KIF26B: variants seen among roughly 807,000 people sequenced by gnomAD.
KIF26B encodes kinesin-like protein KIF26B.
Under a neutral mutation model 151.2 loss-of-function variants are expected in KIF26B, and 63 were observed. The observed-to-expected ratio is 0.42, with a 90% CI of 0.34 to 0.51. KIF26B has a LOEUF of 0.51. Ranked by LOEUF, KIF26B falls within the 20% of genes least tolerant of loss-of-function variation. The pLI, the probability that KIF26B is intolerant of heterozygous loss-of-function variation, is 0.07. For missense variants in KIF26B, 2,813 were observed against 2,913.6 expected (o/e 0.97, Z 0.79); for synonymous variants, 1,357 against 1,262.1 (o/e 1.08, Z -1.59).
intron 4 of KIF26B, among the ~76,000 whole-genome samples, chr1:245,441,976 G>A (rs537872803): frequency 6.6e-6 from 1 of 152,332 alleles, no homozygotes; most frequent in Admixed American, 6.5e-5. Context: ...CCCTTTGATG[G>A]CTTTTGGGTA....
chr1:245,310,542 G>A (rs1017248262), intron 2 of KIF26B, among the ~76,000 whole-genome samples: 3 of 152,214 alleles, frequency 2.0e-5, no homozygotes, highest in Admixed American at 6.5e-5. Context: ...ACGATGTGCT[G>A]TTTTCAAGGC....
At chr1:245,366,541 AG>A (rs1478074510) in intron 2 of KIF26B, among the ~76,000 whole-genome samples, 1 of 145,890 alleles carries the variant, frequency 6.9e-6, no homozygotes, top group Non-Finnish European at 1.5e-5. Context: ...AAAAAAAAAA[AG>A]AAAAAAAAAA....
chr1:245,198,830 T>C (rs1392717600), intron 2 of KIF26B, among the ~76,000 whole-genome samples: 1 of 144,938 alleles, frequency 6.9e-6, no homozygotes, highest in Non-Finnish European at 1.5e-5. Context: ...AAGTTCTAAC[T>C]GAGATAAAGG....
At chr1:245,156,174 T>G in intron 1 of KIF26B, 108 bp from the exon 2 acceptor site, 2 of 1,444,924 alleles carry the variant, frequency 1.4e-6, no homozygotes, top group Non-Finnish European at 1.8e-6. Context: ...CCCAACCGAC[T>G]CCCGTGGGCG....
intron 2 of KIF26B, among the ~76,000 whole-genome samples, chr1:245,238,125 G>T (rs1411933760): frequency 6.6e-6 from 1 of 152,108 alleles, no homozygotes; most frequent in Admixed American, 6.6e-5. Flanking sequence ...CTGAGGTCAG[G>T]AGTTCAAGAC....
chr1:245,674,299 AT>A (rs2044330761), intron 10 of KIF26B, among the ~76,000 whole-genome samples: 1 of 152,212 alleles, frequency 6.6e-6, no homozygotes, highest in Non-Finnish European at 1.5e-5. Flanking sequence ...CCAAAAAAAA[AT>A]TTAAAAGGAA....
intron 2 of KIF26B, among the ~76,000 whole-genome samples, chr1:245,302,988 C>CAAAAAAAAAAAAAAAA (rs74163037): frequency 4.5e-4 from 16 of 35,820 alleles, no homozygotes; most frequent in Admixed American, 9.9e-4. Flanking sequence ...GACTCTGTCT[C>CAAAAAAAAAAAAAAAA]AAAAAAAAAA....
chr1:245,224,352 G>A (rs879732031), intron 2 of KIF26B, among the ~76,000 whole-genome samples: 3 of 152,000 alleles, frequency 2.0e-5, no homozygotes, highest in Admixed American at 6.6e-5. Context: ...CCACTCCACC[G>A]TAGTAGCACG....
At chr1:245,659,435 C>T (rs374315510) in intron 10 of KIF26B, among the ~76,000 whole-genome samples, 1 of 152,082 alleles carries the variant, frequency 6.6e-6, no homozygotes, top group Admixed American at 6.5e-5. Context: ...CCATCGGATC[C>T]CCAATCTAAA....
intron 2 of KIF26B, among the ~76,000 whole-genome samples, chr1:245,304,006 C>T (rs1671490449): frequency 6.6e-6 from 1 of 152,266 alleles, no homozygotes; most frequent in Non-Finnish European, 1.5e-5. Context: ...CCACCATCTT[C>T]CCTGCTTCAA....
chr1:245,413,075 G>T (rs531484883), intron 3 of KIF26B, among the ~76,000 whole-genome samples: 1 of 152,292 alleles, frequency 6.6e-6, no homozygotes, highest in Non-Finnish European at 1.5e-5. Context: ...CTAAAAACAG[G>T]TTTCAATCAG....
intron 4 of KIF26B, among the ~76,000 whole-genome samples, chr1:245,508,480 T>C (rs1417788650): frequency 2.0e-5 from 3 of 152,088 alleles, no homozygotes; most frequent in Admixed American, 6.5e-5. Flanking sequence ...TACCTCGTGA[T>C]CCTCCCGCCT....
chr1:245,283,818 G>C lies in KIF26B; in HGVS notation c.466-83016G>C, dbSNP rs539852703. ...TTCTCCTGCCTCAGCCTCCGGAGTA[G>C]CTGGGACTACAGGTGCCCACCACCA... is the stretch of plus-strand genomic sequence containing the variant. On this transcript the variant is annotated intron_variant, in intron 2 of 14. Transcript: ENST00000407071. 2.2e-3 allele frequency among the ~76,000 whole-genome samples: 328 copies of C among 152,044 alleles called. 1 individual carries two copies. The highest frequency in any genetic ancestry group is 7.7e-3 in the African/African-American group (319 of 41,484).
chr1:245,511,063 A>G (rs756012055), intron 4 of KIF26B: 4 of 715,502 alleles, frequency 5.6e-6, no homozygotes, highest in South Asian at 4.5e-5. Context: ...AGCAGACGTG[A>G]AGAAATGGAT....
Position 245,380,957 on chromosome 1 carries a change from A to G in KIF26B, c.999+13590A>G, listed in dbSNP as rs543214945. The stretch of plus-strand genomic sequence containing the variant: ...AGACACTGATGGGCCAAAAAGATGA[A>G]AAAAAAAAAAAAAAAAAAGGCTGTG... On this transcript the variant is annotated intron_variant, in intron 3 of 14. Transcript: ENST00000407071. Among the ~76,000 whole-genome samples the G allele has an allele frequency of 9.8e-3, 1,260 of 129,054 alleles. 13 individuals carry two copies. The highest frequency in any genetic ancestry group is 0.012 in the Non-Finnish European group (783 of 65,696). 84.7% of individuals were successfully genotyped at this position (129,054 alleles called of 152,430 possible). A position where few individuals can be genotyped will look rare whatever the true frequency, so the allele number is the denominator to read the frequency against.
chr1:245,430,458 A>C (rs1332801432), intron 4 of KIF26B, among the ~76,000 whole-genome samples: 1 of 152,046 alleles, frequency 6.6e-6, no homozygotes, highest in Non-Finnish European at 1.5e-5. Flanking sequence ...TGAGGCCAGG[A>C]GTTCAAGACC....
intron 4 of KIF26B, among the ~76,000 whole-genome samples, chr1:245,476,306 C>T (rs573637109): frequency 5.3e-5 from 8 of 151,620 alleles, no homozygotes; most frequent in Non-Finnish European, 1.2e-4. Flanking sequence ...GAAGATATTC[C>T]GTGTTCCATG....
In KIF26B at chr1:245,609,537, T is replaced by C; in HGVS notation, c.1914+9T>C. 6.6e-7 allele frequency: 1 copy of C among 1,520,244 alleles called. No homozygotes were observed. Among genetic ancestry groups the C allele is most frequent in the Non-Finnish European group, 8.8e-7 (1 of 1,132,792 alleles). The allele number at this position is 1,520,244 out of a possible 1,614,324, so 94.2% of individuals were successfully genotyped here. A position where few individuals can be genotyped will look rare whatever the true frequency, so the allele number is the denominator to read the frequency against. On this transcript the variant is annotated intron_variant, in intron 8 of 14. Coordinates refer to ENST00000407071, the MANE Select transcript of KIF26B (RefSeq NM_018012.4). ...CCATCTGCGGCACGCAGGTGATTGC[T>C]TCTGAAGCCTGGCTCGCCCCAAGGT...
rs931284044 is a variant in KIF26B at position 245,606,365 on chromosome 1, G to A, written c.1558-1286G>A. On this transcript the variant is annotated intron_variant, in intron 6 of 14. Coordinates refer to ENST00000407071, the MANE Select transcript of KIF26B (RefSeq NM_018012.4). The surrounding 1 kb of genome is among the most constrained non-coding windows in gnomAD (Gnocchi z 4.6). ...TGCCCACCGGGAGGCACGCTGCCCCGAGGGCTGCAAAGCCCCATGTTAGCA... is the reference window on the plus strand; with the variant it reads ...TGCCCACCGGGAGGCACGCTGCCCCAAGGGCTGCAAAGCCCCATGTTAGCA... Among the ~76,000 whole-genome samples, 9 of 151,716 alleles carry A rather than the reference G, an allele frequency of 5.9e-5. No individual in the cohort carries two copies. The highest frequency in any genetic ancestry group is 1.3e-4 in the Admixed American group (2 of 15,282).
Sources: gnomAD v4.1 joint callset for allele counts (sites outside exome capture counted in the v4.1 genomes callset) on GRCh38, gnomAD v4.1.1 for gene constraint, Gnocchi (gnomAD v3.1) non-coding constraint, MANE v1.5 for transcripts, NCBI Gene and HGNC (gene_info 2026-07-23, HGNC 2026-07-21) for gene names.